The following RANBP2 variants were observed in gnomAD, a reference collection of about 807,000 sequenced individuals.
RANBP2 encodes E3 SUMO-protein ligase RanBP2.
A neutral mutation model predicts 303.6 loss-of-function variants in RANBP2; 57 were observed. That is an observed-to-expected ratio of 0.19 (90% confidence interval 0.15 to 0.23). The LOEUF is 0.23. Among genes scored for constraint, RANBP2 ranks in the 10% least tolerant of loss-of-function variants. The pLI, the probability that RANBP2 is intolerant of heterozygous loss-of-function variation, is 1.00. For synonymous variants in RANBP2, 1,167 were observed against 1,301.5 expected (o/e 0.90, Z 2.23); for missense variants, 3,138 against 3,780.8 (o/e 0.83, Z 4.46).
the RANBP2 span, among the ~76,000 whole-genome samples, chr2:109,383,365 G>A: frequency 3.9e-5 from 6 of 152,172 alleles, no homozygotes; most frequent in African/African-American, 1.4e-4. Context: ...TCTTTGCAGG[G>A]AGATCTATCC....
At chr2:108,976,086 TC>T in the RANBP2 span, among the ~76,000 whole-genome samples, 2 of 152,318 alleles carry the variant, frequency 1.3e-5, no homozygotes, top group East Asian at 3.9e-4. Flanking sequence ...GAACTGAAGT[TC>T]ATACATCTTC....
the RANBP2 span, among the ~76,000 whole-genome samples, chr2:108,822,973 G>A: frequency 6.6e-6 from 1 of 152,112 alleles, no homozygotes; most frequent in African/African-American, 2.4e-5. Context: ...GATCTTGCAA[G>A]CAATGCCACA....
chr2:108,771,608 A>G (rs1456417749), intron 20 of RANBP2, 93 bp from the exon 21 acceptor site: 16 of 1,579,790 alleles, frequency 1.0e-5, no homozygotes, highest in African/African-American at 9.5e-5. Context: ...GTTTTAACCT[A>G]TAGATAGGTT....
chr2:109,254,875 G>C, the RANBP2 span, among the ~76,000 whole-genome samples: 1 of 152,284 alleles, frequency 6.6e-6, no homozygotes, highest in Middle Eastern at 3.4e-3. Context: ...GAATTCTCAC[G>C]GGTGGGCTCA....
chr2:109,412,391 T>G, the RANBP2 span, among the ~76,000 whole-genome samples: 75,906 of 152,134 alleles, frequency 0.5, 19,204 homozygotes, highest in Middle Eastern at 0.57. Flanking sequence ...TGGCTGTGCT[T>G]TGCTTGTGCT....
chr2:109,248,845 GTTTTCCT>G, the RANBP2 span, among the ~76,000 whole-genome samples: 1 of 129,374 alleles, frequency 7.7e-6, no homozygotes, highest in Non-Finnish European at 1.6e-5. Flanking sequence ...TCTCCTTTTC[GTTTTCCT>G]TTTTCCTTTC....
At chr2:109,429,819 G>A in the RANBP2 span, among the ~76,000 whole-genome samples, 23 of 152,212 alleles carry the variant, frequency 1.5e-4, no homozygotes, top group Admixed American at 3.3e-4. Flanking sequence ...AGGGCCACCC[G>A]AGCAGAGGTA....
At chr2:108,759,233 AATTTT>A (rs1676547946) in intron 18 of RANBP2, among the ~76,000 whole-genome samples, 2 of 152,068 alleles carry the variant, frequency 1.3e-5, no homozygotes, top group Admixed American at 6.6e-5. Flanking sequence ...TTGTGAATGT[AATTTT>A]ATTTAATTAC....
chr2:108,810,623 CTTG>C, the RANBP2 span, among the ~76,000 whole-genome samples: 1 of 152,006 alleles, frequency 6.6e-6, no homozygotes, highest in South Asian at 2.1e-4. Flanking sequence ...CTGGAGTTTT[CTTG>C]TTGTGTCTTG....
chr2:109,401,092 T>A, the RANBP2 span, among the ~76,000 whole-genome samples: 2 of 152,168 alleles, frequency 1.3e-5, no homozygotes, highest in African/African-American at 4.8e-5. Flanking sequence ...CTTGGAATAG[T>A]CTTGCTTATT....
the RANBP2 span, among the ~76,000 whole-genome samples, chr2:109,765,947 C>T: frequency 1.3e-5 from 2 of 150,434 alleles, no homozygotes; most frequent in Admixed American, 1.3e-4. Context: ...CCTCCAGCTG[C>T]AGTAAAGCAA....
At chr2:108,931,839 T>A in the RANBP2 span, among the ~76,000 whole-genome samples, 1 of 152,138 alleles carries the variant, frequency 6.6e-6, no homozygotes, top group East Asian at 1.9e-4. Context: ...CAAAGAGAGA[T>A]AATGTGCTCT....
chr2:109,315,574 A>C, the RANBP2 span, among the ~76,000 whole-genome samples: 1 of 152,340 alleles, frequency 6.6e-6, no homozygotes, highest in East Asian at 1.9e-4. Flanking sequence ...CCTGTTGTGC[A>C]CTGTCTGTGC....
At chr2:109,513,043 G>A in the RANBP2 span, among the ~76,000 whole-genome samples, 1 of 152,206 alleles carries the variant, frequency 6.6e-6, no homozygotes, top group Non-Finnish European at 1.5e-5. Flanking sequence ...GAAGGTGCAA[G>A]GCCCGAAGGA....
chr2:109,477,626 G>A, the RANBP2 span, among the ~76,000 whole-genome samples: 1 of 152,040 alleles, frequency 6.6e-6, no homozygotes, highest in African/African-American at 2.4e-5. Flanking sequence ...GTGTGTGTGT[G>A]TGTGTGTGTG....
At chr2:108,855,524 C>A in the RANBP2 span, among the ~76,000 whole-genome samples, 1 of 151,338 alleles carries the variant, frequency 6.6e-6, no homozygotes, top group Non-Finnish European at 1.5e-5. Context: ...TAAGGCAAGT[C>A]TGAACAGAAT....
the RANBP2 span, among the ~76,000 whole-genome samples, chr2:109,017,859 C>A: frequency 2.0e-5 from 3 of 152,138 alleles, no homozygotes; most frequent in Non-Finnish European, 4.4e-5. Flanking sequence ...CCTTCTAAAT[C>A]CCCCGTTGTT....
chr2:109,007,933 G>C, the RANBP2 span, among the ~76,000 whole-genome samples: 1 of 152,178 alleles, frequency 6.6e-6, no homozygotes, highest in Non-Finnish European at 1.5e-5. Flanking sequence ...GTTGGGGCCA[G>C]AGTTATTAAT....
At chr2:108,990,727 C>T in the RANBP2 span, among the ~76,000 whole-genome samples, 1 of 152,176 alleles carries the variant, frequency 6.6e-6, no homozygotes, top group Non-Finnish European at 1.5e-5. Flanking sequence ...CTGACTTGAT[C>T]CTTGTGGATG....
Sources: gnomAD v4.1 joint callset for allele counts (sites outside exome capture counted in the v4.1 genomes callset) on GRCh38, gnomAD v4.1.1 for gene constraint, MANE v1.5 for transcripts, NCBI Gene and HGNC (gene_info 2026-07-23, HGNC 2026-07-21) for gene names.